Variants in LGI3 observed in about 807,000 individuals in gnomAD.
The protein encoded by LGI3 is leucine-rich repeat LGI family member 3.
In LGI3, 47 loss-of-function variants were observed where a neutral mutation model predicts 55.4. The observed-to-expected ratio is 0.85, with a 90% CI of 0.67 to 1.08. The LOEUF (loss-of-function observed/expected upper bound fraction) is 1.08. Ranked by LOEUF, LGI3 falls within the 50% of genes least tolerant of loss-of-function variation. LGI3 has a pLI of 0.00. For synonymous variants in LGI3, 326 were observed against 315.0 expected (o/e 1.04, Z -0.37); for missense variants, 664 against 726.3 (o/e 0.91, Z 0.99).
chr8:22,154,037 G>A lies in LGI3; in HGVS notation c.425C>T (p.Ser142Leu), dbSNP rs369485261. 3 of 1,614,056 alleles carry A rather than the reference G, an allele frequency of 1.9e-6. No homozygotes were observed. The highest frequency in any genetic ancestry group is 1.7e-6 in the Non-Finnish European group (2 of 1,180,042). The change falls in exon 5 of 8, where the codon TCG (serine) becomes TTG (leucine). Residue 142 changes from serine (S) to leucine (L), a missense_variant and splice_region_variant. Coordinates refer to ENST00000306317, the MANE Select transcript of LGI3 (RefSeq NM_139278.4). ...TGTCTGCAGGTTATTGTTGGCCAGCGAGCTGCAAAAGAGACCGCCAGGTCA... is the reference window on the plus strand; with the variant it reads ...TGTCTGCAGGTTATTGTTGGCCAGCAAGCTGCAAAAGAGACCGCCAGGTCA... ...FRGLKSLTHL[S>L]LANNNLQTLP... is the part of the protein sequence containing the mutation.
At chr8:22,155,234 C>A in intron 2 of LGI3, 158 bp downstream of exon 2, 1 of 710,622 alleles carries the variant, frequency 1.4e-6, no homozygotes, top group East Asian at 2.5e-5. Flanking sequence ...AAGGCTGCCC[C>A]GTCTTTTGGG....
chr8:22,151,364 T>A (rs1418815770), intron 7 of LGI3, 125 bp downstream of exon 7: 3 of 895,262 alleles, frequency 3.4e-6, no homozygotes, highest in Non-Finnish European at 5.2e-6. Flanking sequence ...ACTGGAAAGT[T>A]CTTGTGGGCA....
chr8:22,155,285 C>T (rs377091885), intron 2 of LGI3, 107 bp downstream of exon 2: 40 of 1,012,320 alleles, frequency 4.0e-5, no homozygotes, highest in South Asian at 3.0e-4. Flanking sequence ...CCTGCATCTT[C>T]GTCTGCAGAG....
chr8:22,153,238 C>A (rs1043912200), intron 5 of LGI3, among the ~76,000 whole-genome samples: 3 of 151,356 alleles, frequency 2.0e-5, no homozygotes, highest in Non-Finnish European at 4.4e-5. Flanking sequence ...GCGCCCGCCA[C>A]CACACCCAGA....
chr8:22,148,020 G>A lies in LGI3; in HGVS notation c.*140C>T, dbSNP rs951400799. ...CTGGGCCAGTCCACGGGGTGCGCCT[G>A]TACACACTGGGCGTGTGCGGATACA... is the stretch of plus-strand genomic sequence containing the variant. On this transcript the variant is annotated 3_prime_UTR_variant, in exon 8 of 8. Coordinates refer to ENST00000306317, the MANE Select transcript of LGI3 (RefSeq NM_139278.4). This position sits in a 1 kb window ranked among gnomAD's most constrained non-coding sequence, Gnocchi z 7.0. 2.7e-6 allele frequency: 2 copies of A among 733,412 alleles called. No homozygotes were observed. Among genetic ancestry groups the A allele is most frequent in the Non-Finnish European group, 4.6e-6 (2 of 438,666 alleles). 45.4% of individuals were successfully genotyped at this position (733,412 alleles called of 1,614,324 possible).
chr8:22,154,378 G>A (rs1383702806), intron 3 of LGI3, 165 bp from the exon 4 acceptor site: 5 of 780,168 alleles, frequency 6.4e-6, no homozygotes, highest in Non-Finnish European at 1.1e-5. Context: ...GTAGGGTAGA[G>A]GCAAAATGAA....
In LGI3 at chr8:22,147,297, G is replaced by T. The variant is rs1415632479; in HGVS notation, c.*863C>A. On this transcript the variant is annotated 3_prime_UTR_variant, in exon 8 of 8. Transcript: ENST00000306317. ...AGATGAGGGGAGGTCTTCTGTCCAT[G>T]GGTGAGCTGGGATTCACGGCCATGA... is the stretch of plus-strand genomic sequence containing the variant. The T allele has an allele frequency of 1.3e-5, 2 of 152,354 alleles. No individual in the cohort carries two copies. Among genetic ancestry groups the T allele is most frequent in the South Asian group, 2.1e-4 (1 of 4,830 alleles). The allele number at this position is 152,354 out of a possible 1,614,324, so 9.4% of individuals were successfully genotyped here. A position where few individuals can be genotyped will look rare whatever the true frequency, so the allele number is the denominator to read the frequency against.
intron 1 of LGI3, 67 bp downstream of exon 1, chr8:22,156,270 C>T: frequency 1.9e-6 from 3 of 1,547,880 alleles, no homozygotes; most frequent in Middle Eastern, 2.1e-4. Context: ...GTTCTCCTGT[C>T]CTCTCCCAGA....
intron 5 of LGI3, among the ~76,000 whole-genome samples, chr8:22,152,856 G>A (rs1214718827): frequency 2.0e-5 from 3 of 151,440 alleles, no homozygotes; most frequent in Non-Finnish European, 4.4e-5. Context: ...TTCAAGACCA[G>A]CCTGACCAAC....
chr8:22,151,804 G>A, intron 6 of LGI3, 27 bp downstream of exon 6: 2 of 1,589,274 alleles, frequency 1.3e-6, no homozygotes, highest in Non-Finnish European at 1.7e-6. Context: ...GGCGTGGACT[G>A]ACACCCAAGG....
chr8:22,156,756 C>G lies in LGI3; in HGVS notation c.-214G>C, dbSNP rs1256240279. ...TCCGGCTCGGGAGAGAAGAGCGGAG[C>G]GCGGAGCTGGAGCCGCAGCCGGGGC... is the stretch of plus-strand genomic sequence containing the variant. On this transcript the variant is annotated 5_prime_UTR_variant, in exon 1 of 8. Coordinates refer to ENST00000306317, the MANE Select transcript of LGI3 (RefSeq NM_139278.4). The G allele has an allele frequency of 4.3e-5, 8 of 187,860 alleles. No homozygotes were observed. Among genetic ancestry groups the G allele is most frequent in the Non-Finnish European group, 7.5e-5 (7 of 92,810 alleles). The allele number at this position is 187,860 out of a possible 1,614,324, so 11.6% of individuals were successfully genotyped here.
rs1313588416 is a variant in LGI3, at chr8:22,148,966, C to CT, written c.840dup (p.Val281SerfsTer42). On this transcript the variant is annotated frameshift_variant, in exon 8 of 8. Transcript: ENST00000306317. LOFTEE classifies it high-confidence loss of function. The surrounding 1 kb of genome is among the most constrained non-coding windows in gnomAD (Gnocchi z 7.0). ...TCCACCACCATCGGCTTGCAGTGCACTGCAGAGGGGGCTGTGCCAGGACAG... is the reference window on the plus strand; with the variant it reads ...TCCACCACCATCGGCTTGCAGTGCACTTGCAGAGGGGGCTGTGCCAGGACAG... 1 of 1,609,920 alleles carries CT rather than the reference C, an allele frequency of 6.2e-7. No homozygotes were observed. Among genetic ancestry groups the CT allele is most frequent in the Admixed American group, 1.7e-5 (1 of 59,798 alleles).
In LGI3 at chr8:22,148,687, G is replaced by A. The variant is rs1297414750; in HGVS notation, c.1120C>T (p.His374Tyr). ...FYSHQALHPWHRDTDLEFVDG... is the reference protein window; with the variant it reads ...FYSHQALHPWYRDTDLEFVDG... ...ACAAACTCCAGGTCGGTGTCACGGTGCCAGGGGTGCAGTGCCTGGTGGGAG... is the reference window on the plus strand; with the variant it reads ...ACAAACTCCAGGTCGGTGTCACGGTACCAGGGGTGCAGTGCCTGGTGGGAG... Residue 374 changes from histidine (H) to tyrosine (Y), a missense_variant, in exon 8 of 8, where the codon CAC (histidine) becomes TAC (tyrosine). By Grantham distance (83) the His-to-Tyr change is moderately conservative. Transcript: ENST00000306317. This position sits in a 1 kb window ranked among gnomAD's most constrained non-coding sequence, Gnocchi z 7.0. 36 of 1,614,002 alleles carry A rather than the reference G, an allele frequency of 2.2e-5. No individual in the cohort carries two copies. Among genetic ancestry groups the A allele is most frequent in the Non-Finnish European group, 3.1e-5 (36 of 1,180,034 alleles).
rs145742343 is a variant in LGI3 at position 22,154,694 on chromosome 8, C to T, written c.279-63G>A. 1,392 of 1,286,274 alleles carry T rather than the reference C, an allele frequency of 1.1e-3. 10 individuals carry two copies. In the African/African-American group the frequency reaches 0.018, roughly 17 times the overall value. 79.7% of individuals were successfully genotyped at this position (1,286,274 alleles called of 1,614,324 possible). On this transcript the variant is annotated intron_variant, in intron 2 of 7. Coordinates refer to ENST00000306317, the MANE Select transcript of LGI3 (RefSeq NM_139278.4). ...GTGCCTGCTGCCCCAGCCCCCAGCC[C>T]GCTGCCTCAGCCCTGGGCTTCCCCA...
At chr8:22,152,724 G>C (rs992064249) in intron 5 of LGI3, among the ~76,000 whole-genome samples, 1 of 142,482 alleles carries the variant, frequency 7.0e-6, no homozygotes, top group African/African-American at 2.6e-5. Context: ...CTGGGCAACA[G>C]AGTGAGACTC....
At position 22,151,525 on chromosome 8, in the gene LGI3, C is replaced by T; in HGVS notation, c.793G>A (p.Val265Ile). 3 of 1,614,154 alleles carry T rather than the reference C, an allele frequency of 1.9e-6. No individual in the cohort carries two copies. Among genetic ancestry groups the T allele is most frequent in the Non-Finnish European group, 2.5e-6 (3 of 1,180,028 alleles). Residue 265 changes from valine to isoleucine, a missense_variant, in exon 7 of 8, where the codon GTT becomes ATT. Val to Ile is a conservative substitution (Grantham distance 29). Coordinates refer to ENST00000306317, the MANE Select transcript of LGI3 (RefSeq NM_139278.4). Reference sequence around the variant, plus strand: ...TCATAGTCTCGAAGCTGCCGCTCAACATAGTCCCACTTCAGGATGGTGCAG... The same window carrying T: ...TCATAGTCTCGAAGCTGCCGCTCAATATAGTCCCACTTCAGGATGGTGCAG... ...SACTILKWDY[V>I]ERQLRDYDRI...
At chr8:22,150,729 CT>C (rs1375110527) in intron 7 of LGI3, among the ~76,000 whole-genome samples, 1 of 152,050 alleles carries the variant, frequency 6.6e-6, no homozygotes, top group Non-Finnish European at 1.5e-5. Flanking sequence ...TCCAGCACCC[CT>C]CTAGCAGACA....
At chr8:22,156,312 C>T in intron 1 of LGI3, 25 bp downstream of exon 1, 1 of 1,609,688 alleles carries the variant, frequency 6.2e-7, no homozygotes, top group Non-Finnish European at 8.5e-7. Flanking sequence ...CTCCCCAACC[C>T]CCAAGGCCAG....
chr8:22,155,336 G>T, intron 2 of LGI3, 56 bp downstream of exon 2: 3 of 1,527,602 alleles, frequency 2.0e-6, no homozygotes, highest in Non-Finnish European at 1.8e-6. Flanking sequence ...CCCAGGATTT[G>T]TCCCCTGCTA....
Sources: gnomAD v4.1 joint callset for allele counts (sites outside exome capture counted in the v4.1 genomes callset) on GRCh38, gnomAD v4.1.1 for gene constraint, Gnocchi (gnomAD v3.1) non-coding constraint, MANE v1.5 for transcripts, NCBI Gene and HGNC (gene_info 2026-07-23, HGNC 2026-07-21) for gene names.